Variants in PPP3CC observed in about 807,000 individuals in gnomAD.
PPP3CC encodes the protein protein phosphatase 3 catalytic subunit gamma.
Under a neutral mutation model 60.3 loss-of-function variants are expected in PPP3CC, and 35 were observed. The observed-to-expected ratio is 0.58, with a 90% CI of 0.44 to 0.77. The LOEUF is 0.77. Among genes scored for constraint, PPP3CC ranks in the 30% least tolerant of loss-of-function variants. The probability of loss-of-function intolerance (pLI) is 0.00; values close to 1 mark genes in which losing one functional copy is unlikely to be tolerated. For synonymous variants in PPP3CC, 206 were observed against 224.3 expected (o/e 0.92, Z 0.73); for missense variants, 570 against 628.9 (o/e 0.91, Z 1.00).
intron 1 of PPP3CC, among the ~76,000 whole-genome samples, chr8:22,443,540 A>G (rs1383968011): frequency 2.8e-5 from 4 of 144,456 alleles, no homozygotes; most frequent in Non-Finnish European, 4.6e-5. Context: ...AAAAAAAAAA[A>G]GCAGGGGCTG....
intron 1 of PPP3CC, among the ~76,000 whole-genome samples, chr8:22,465,643 C>A (rs1837497905): frequency 6.6e-6 from 1 of 152,068 alleles, no homozygotes; most frequent in Non-Finnish European, 1.5e-5. Flanking sequence ...GCAAGAAGAC[C>A]CATGCCAGAT....
At chr8:22,539,868 A>G (rs1055805794) in intron 13 of PPP3CC, among the ~76,000 whole-genome samples, 3 of 152,210 alleles carry the variant, frequency 2.0e-5, no homozygotes, top group Non-Finnish European at 2.9e-5. Flanking sequence ...AGCGATTCTA[A>G]AAGATTTCAA....
chr8:22,459,374 A>C (rs545226862), intron 1 of PPP3CC, among the ~76,000 whole-genome samples: 1 of 152,304 alleles, frequency 6.6e-6, no homozygotes, highest in South Asian at 2.1e-4. Context: ...GAAGTCCTGA[A>C]GTTTTTGAAT....
intron 1 of PPP3CC, among the ~76,000 whole-genome samples, chr8:22,452,893 A>G (rs1837078889): frequency 6.6e-6 from 1 of 152,230 alleles, no homozygotes; most frequent in African/African-American, 2.4e-5. Flanking sequence ...ATCGCTTTAA[A>G]TATTTTCTTG....
At chr8:22,488,380 A>G (rs948646419) in intron 3 of PPP3CC, among the ~76,000 whole-genome samples, 3 of 152,242 alleles carry the variant, frequency 2.0e-5, no homozygotes, top group Non-Finnish European at 4.4e-5. Flanking sequence ...CTTTAATGCA[A>G]CAATTCCATT....
At chr8:22,500,902 C>T (rs1398797937) in intron 4 of PPP3CC, among the ~76,000 whole-genome samples, 1 of 152,026 alleles carries the variant, frequency 6.6e-6, no homozygotes, top group East Asian at 1.9e-4. Flanking sequence ...GCCTGTAATC[C>T]CAGTACTTTT....
At chr8:22,484,986 T>A (rs1478808602) in intron 3 of PPP3CC, among the ~76,000 whole-genome samples, 2 of 152,182 alleles carry the variant, frequency 1.3e-5, no homozygotes, top group African/African-American at 4.8e-5. Flanking sequence ...ATCCTTTTTT[T>A]TAGCCTCAAA....
chr8:22,504,604 A>G (rs1838856510), intron 4 of PPP3CC, among the ~76,000 whole-genome samples: 1 of 152,114 alleles, frequency 6.6e-6, no homozygotes, highest in African/African-American at 2.4e-5. Flanking sequence ...AGCCCCTAAC[A>G]GTTAATTTTT....
At chr8:22,462,977 A>G (rs1004554974) in intron 1 of PPP3CC, among the ~76,000 whole-genome samples, 1 of 152,284 alleles carries the variant, frequency 6.6e-6, no homozygotes, top group African/African-American at 2.4e-5. Flanking sequence ...CCTTTGGGCA[A>G]CCAAATATAT....
chr8:22,496,943 TG>T (rs1838606722), intron 3 of PPP3CC, among the ~76,000 whole-genome samples: 1 of 152,218 alleles, frequency 6.6e-6, no homozygotes, highest in South Asian at 2.1e-4. Context: ...AATTTATTCC[TG>T]TGTCTTTAGG....
chr8:22,459,750 C>T (rs1837313023), intron 1 of PPP3CC, among the ~76,000 whole-genome samples: 1 of 151,716 alleles, frequency 6.6e-6, no homozygotes, highest in African/African-American at 2.4e-5. Flanking sequence ...AATCCTAATC[C>T]CCAATGTAAT....
At position 22,495,549 on chromosome 8, in the gene PPP3CC, A is replaced by ATATTAT. The variant is rs200513942; in HGVS notation, c.373-2435_373-2430dup. The stretch of plus-strand genomic sequence containing the variant: ...AAATTGTTTTTTTACTATGCAAATT[A>ATATTAT]TATTATTATTATTATTATTATTGTT... On this transcript the variant is annotated intron_variant, in intron 3 of 13. Transcript: ENST00000240139. Among the ~76,000 whole-genome samples, 32 of 151,286 alleles carry ATATTAT rather than the reference A, an allele frequency of 2.1e-4. No individual in the cohort carries two copies. In the East Asian group the frequency reaches 5.0e-3, roughly 24 times the overall value.
chr8:22,529,319 C>T (rs1839641044), intron 10 of PPP3CC, among the ~76,000 whole-genome samples: 1 of 152,178 alleles, frequency 6.6e-6, no homozygotes, highest in Non-Finnish European at 1.5e-5. Flanking sequence ...TTGCAGGATG[C>T]ATAGTCACAG....
chr8:22,533,156 C>T, intron 12 of PPP3CC, 138 bp downstream of exon 12: 1 of 549,694 alleles, frequency 1.8e-6, no homozygotes, highest in South Asian at 3.4e-5. Context: ...TGAATCTTCA[C>T]CCCTACTTCC....
chr8:22,530,050 A>AC (rs1282091972), intron 10 of PPP3CC, among the ~76,000 whole-genome samples: 1 of 151,676 alleles, frequency 6.6e-6, no homozygotes, highest in Non-Finnish European at 1.5e-5. Context: ...AGAAAACACA[A>AC]CTCCCTTTGG....
chr8:22,477,876 G>A (rs1340087977), intron 3 of PPP3CC, among the ~76,000 whole-genome samples: 4 of 150,026 alleles, frequency 2.7e-5, no homozygotes, highest in South Asian at 2.1e-4. Flanking sequence ...TTGAGACAGA[G>A]TTTCGCTTTT....
At chr8:22,536,962 A>G (rs1839857534) in intron 12 of PPP3CC, among the ~76,000 whole-genome samples, 1 of 152,196 alleles carries the variant, frequency 6.6e-6, no homozygotes, top group Admixed American at 6.5e-5. Flanking sequence ...AAATAAAAAT[A>G]AAGCCAATAG....
Position 22,540,665 on chromosome 8 carries a change from C to T in PPP3CC, c.1402C>T (p.Arg468Ter). The change falls in exon 14 of 14, where the codon CGA becomes TGA. Residue 468 changes from arginine (R) to a stop codon, truncating the protein, a stop_gained. Coordinates refer to ENST00000240139, the MANE Select transcript of PPP3CC (RefSeq NM_005605.5). LOFTEE classifies it low-confidence loss of function (END_TRUNC). Reference sequence around the variant, plus strand: ...CAAGATCCGGAGTTTTGAAGAAGCGCGAGGTCTGGACCGAATTAATGAGCG... The same window carrying T: ...CAAGATCCGGAGTTTTGAAGAAGCGTGAGGTCTGGACCGAATTAATGAGCG... ...QHKIRSFEEA[R>*]GLDRINERMP... 1.9e-6 allele frequency: 3 copies of T among 1,613,970 alleles called. No individual in the cohort carries two copies. Among genetic ancestry groups the T allele is most frequent in the Non-Finnish European group, 1.7e-6 (2 of 1,179,984 alleles).
chr8:22,484,627 G>A (rs1306526695), intron 3 of PPP3CC, among the ~76,000 whole-genome samples: 1 of 152,174 alleles, frequency 6.6e-6, no homozygotes, highest in East Asian at 1.9e-4. Context: ...GTGGAAATAT[G>A]ACTGAATTAT....
Sources: gnomAD v4.1 joint callset for allele counts (sites outside exome capture counted in the v4.1 genomes callset) on GRCh38, gnomAD v4.1.1 for gene constraint, MANE v1.5 for transcripts, NCBI Gene and HGNC (gene_info 2026-07-23, HGNC 2026-07-21) for gene names.